The following SHANK1 variants were observed in gnomAD, a reference collection of about 807,000 sequenced individuals.
The protein encoded by SHANK1 is SH3 and multiple ankyrin repeat domains 1, also known as SH3 and multiple ankyrin repeat domains protein 1.
In SHANK1, 35 loss-of-function variants were observed where a neutral mutation model predicts 165.6. The ratio of observed to expected loss-of-function variants is 0.21; its 90% CI spans 0.16 to 0.28. SHANK1 has a LOEUF of 0.28. Ranked by LOEUF, SHANK1 falls within the 10% of genes least tolerant of loss-of-function variation. SHANK1 has a pLI of 1.00. For missense variants in SHANK1, 2,681 were observed against 3,036.4 expected (o/e 0.88, Z 2.75); for synonymous variants, 1,428 against 1,384.8 (o/e 1.03, Z -0.69).
chr19:50,683,588 T>C (rs1276931323), intron 21 of SHANK1, among the ~76,000 whole-genome samples: 3 of 152,084 alleles, frequency 2.0e-5, no homozygotes, highest in African/African-American at 7.2e-5. Flanking sequence ...GCACCATGCT[T>C]GGGGGACCTT....
chr19:50,673,861 A>G (rs932444743), intron 21 of SHANK1, among the ~76,000 whole-genome samples: 2 of 150,596 alleles, frequency 1.3e-5, no homozygotes, highest in South Asian at 2.1e-4. Flanking sequence ...TGGCGTTAAC[A>G]CGGCTCACTG....
rs754025199 is a variant in SHANK1, at chr19:50,716,988, G to A, written c.-43-26C>T. Reference sequence around the variant, plus strand: ...CTGCAGGGGCCAAGGGCGGCCATCAGACTAGGAGCCCGGGACCCCTCAGAG... The same window carrying A: ...CTGCAGGGGCCAAGGGCGGCCATCAAACTAGGAGCCCGGGACCCCTCAGAG... On this transcript the variant is annotated intron_variant, in intron 1 of 23. Coordinates refer to ENST00000293441, the MANE Select transcript of SHANK1 (RefSeq NM_016148.5). The surrounding 1 kb of genome is among the most constrained non-coding windows in gnomAD (Gnocchi z 8.4). 1.8e-5 allele frequency: 25 copies of A among 1,388,612 alleles called. No homozygotes were observed. In the African/African-American group the frequency reaches 3.2e-4, roughly 18 times the overall value. The allele number at this position is 1,388,612 out of a possible 1,614,324, so 86.0% of individuals were successfully genotyped here.
At position 50,704,139 on chromosome 19, in the gene SHANK1, G is replaced by A. The variant is rs770098286; in HGVS notation, c.1203C>T (p.Asn401=). The A allele has an allele frequency of 2.5e-6, 4 of 1,612,940 alleles. No individual in the cohort carries two copies. The highest frequency in any genetic ancestry group is 3.4e-6 in the Non-Finnish European group (4 of 1,179,486). ...GNFELGELIR[N]HREQDVVPFQ... ...ACTCACCCACATCCTGTTCTCGGTG[G>A]TTTCGGATCAGCTCCCCCAGCTCAA... Residue 401 remains asparagine (N), a synonymous_variant, in exon 10 of 24, where the codon AAC becomes AAT. Coordinates refer to ENST00000293441, the MANE Select transcript of SHANK1 (RefSeq NM_016148.5).
At chr19:50,698,693 A>G (rs899256486) in intron 12 of SHANK1, among the ~76,000 whole-genome samples, 8 of 152,200 alleles carry the variant, frequency 5.3e-5, no homozygotes, top group African/African-American at 1.7e-4. Flanking sequence ...TGATAGGAAC[A>G]CTGAGGCTTG....
intron 15 of SHANK1, among the ~76,000 whole-genome samples, chr19:50,692,897 C>T (rs1353937702): frequency 1.3e-5 from 2 of 149,532 alleles, no homozygotes; most frequent in East Asian, 2.0e-4. Context: ...CCCTACCCCC[C>T]TTTCCCCCTA....
Position 50,667,569 on chromosome 19 carries a change from G to T in SHANK1, c.4391C>A (p.Thr1464Lys). ...TCCGGGGTGCGGGGCCGGGGGCTCC[G>T]TCCCCAGCTGCAGCAGGAGGGGCCC... Reference protein sequence around the residue: ...GVGPLLLQLGTEPPAPHPGVS... With the variant: ...GVGPLLLQLGKEPPAPHPGVS... The change falls in exon 23 of 24, where the codon ACG (threonine) becomes AAG (lysine). Residue 1464 changes from threonine (T) to lysine (K), a missense_variant. Thr to Lys is a moderately conservative substitution (Grantham distance 78, BLOSUM62 -1). Coordinates refer to ENST00000293441, the MANE Select transcript of SHANK1 (RefSeq NM_016148.5). This position sits in a 1 kb window ranked among gnomAD's most constrained non-coding sequence, Gnocchi z 5.7. The T allele has an allele frequency of 6.9e-7, 1 of 1,448,598 alleles. No homozygotes were observed. Among genetic ancestry groups the T allele is most frequent in the Non-Finnish European group, 9.0e-7 (1 of 1,112,352 alleles). The allele number at this position is 1,448,598 out of a possible 1,614,324, so 89.7% of individuals were successfully genotyped here.
intron 21 of SHANK1, among the ~76,000 whole-genome samples, chr19:50,683,275 C>G (rs891975523): frequency 2.0e-5 from 3 of 152,212 alleles, no homozygotes; most frequent in Admixed American, 1.3e-4. Flanking sequence ...CTACAATGCA[C>G]AGGACAGGCT....
At chr19:50,671,017 C>A (rs1332902737) in intron 22 of SHANK1, among the ~76,000 whole-genome samples, 1 of 151,794 alleles carries the variant, frequency 6.6e-6, no homozygotes, top group African/African-American at 2.4e-5. Flanking sequence ...TGGTCTTGAA[C>A]TCCTGACCTT....
chr19:50,703,514 G>T lies in SHANK1; in HGVS notation c.1539C>A (p.Pro513=). 1.3e-6 allele frequency: 2 copies of T among 1,542,082 alleles called. No homozygotes were observed. The highest frequency in any genetic ancestry group is 1.7e-6 in the Non-Finnish European group (2 of 1,149,840). ...GRHPEDAKRQ[P]RGRPSSSGTP... ...GCCTCCCCTACCTGGGCCGGCCTCG[G>T]GGCTGCCTCTTGGCGTCCTCAGGGT... Residue 513 remains proline, a synonymous_variant, in exon 11 of 24, where the codon CCC becomes CCA. Transcript: ENST00000293441.
rs3087079 is a variant in SHANK1, at chr19:50,663,940, C to CT, written c.5769-1259dup. Among the ~76,000 whole-genome samples the CT allele has an allele frequency of 2.8e-3, 309 of 108,890 alleles. 6 individuals carry two copies. Among genetic ancestry groups the CT allele is most frequent in the African/African-American group, 9.0e-3 (234 of 26,140 alleles). The allele number at this position is 108,890 out of a possible 152,430, so 71.4% of individuals were successfully genotyped here. Reference sequence around the variant, plus strand: ...TTCTTTTCTTTCTCTCTCTCTCTCTCTTTTTTTTTTTTTTTTTAAGACAGG... The same window carrying CT: ...TTCTTTTCTTTCTCTCTCTCTCTCTCTTTTTTTTTTTTTTTTTTAAGACAGG... On this transcript the variant is annotated intron_variant, in intron 23 of 23. Transcript: ENST00000293441.
chr19:50,669,296 A>AC lies in SHANK1; in HGVS notation c.2675-12dup. On this transcript the variant is annotated splice_polypyrimidine_tract_variant and intron_variant, in intron 22 of 23. Coordinates refer to ENST00000293441, the MANE Select transcript of SHANK1 (RefSeq NM_016148.5). The stretch of plus-strand genomic sequence containing the variant: ...CATCTTCTGCCGCACCTGGGGAGAT[A>AC]CAGAGGCTCAAGGAGGGGGACCCTG... The AC allele has an allele frequency of 3.8e-6, 6 of 1,597,086 alleles. No individual in the cohort carries two copies. The highest frequency in any genetic ancestry group is 5.1e-6 in the Non-Finnish European group (6 of 1,169,580).
intron 9 of SHANK1, 100 bp from the exon 10 acceptor site, chr19:50,704,286 C>G (rs759586046): frequency 7.3e-7 from 1 of 1,364,266 alleles, no homozygotes; most frequent in Non-Finnish European, 1.0e-6. Context: ...AAACCTTCCA[C>G]TCCGACAATG....
In SHANK1 at chr19:50,697,254, A is replaced by C. The variant is rs973046074; in HGVS notation, c.1938-132T>G. On this transcript the variant is annotated intron_variant, in intron 14 of 23. Coordinates refer to ENST00000293441, the MANE Select transcript of SHANK1 (RefSeq NM_016148.5). This position sits in a 1 kb window ranked among gnomAD's most constrained non-coding sequence, Gnocchi z 4.7. ...CATGGGACACACACATTCCCACTGC[A>C]CATGACTGCACAGAGATGGGGCACA... 2 of 1,317,484 alleles carry C rather than the reference A, an allele frequency of 1.5e-6. No individual in the cohort carries two copies. The highest frequency in any genetic ancestry group is 2.9e-5 in the African/African-American group (2 of 69,072). 81.6% of individuals were successfully genotyped at this position (1,317,484 alleles called of 1,614,324 possible).
intron 15 of SHANK1, among the ~76,000 whole-genome samples, chr19:50,689,889 G>A (rs10406993): frequency 0.71 from 107,547 of 152,108 alleles, 38,599 homozygotes; most frequent in African/African-American, 0.79. Flanking sequence ...TCACCTCCCA[G>A]GAACCCCACA....
In SHANK1 at chr19:50,719,475, C is replaced by T. The variant is rs1434970213; in HGVS notation, c.-113G>A. ...CCCTCCCCCCTCCCCCCACCCCCCA[C>T]CCCCCCGGAGACGGGGACCCTCAGG... is the stretch of plus-strand genomic sequence containing the variant. On this transcript the variant is annotated 5_prime_UTR_variant, in exon 1 of 24. The change creates a new upstream start codon in the 5' untranslated region. Coordinates refer to ENST00000293441, the MANE Select transcript of SHANK1 (RefSeq NM_016148.5). The T allele has an allele frequency of 2.0e-3, 6 of 3,050 alleles. No individual in the cohort carries two copies. The highest frequency in any genetic ancestry group is 4.9e-3 in the Admixed American group (2 of 412). 0.2% of individuals were successfully genotyped at this position (3,050 alleles called of 1,614,324 possible).
At chr19:50,685,478 C>T (rs1599853038) in intron 21 of SHANK1, among the ~76,000 whole-genome samples, 2 of 152,302 alleles carry the variant, frequency 1.3e-5, no homozygotes, top group African/African-American at 4.8e-5. Context: ...AATCCCGGCA[C>T]TTTGGAGGGC....
intron 21 of SHANK1, among the ~76,000 whole-genome samples, chr19:50,684,965 A>T (rs1478172714): frequency 6.6e-6 from 1 of 152,218 alleles, no homozygotes; most frequent in East Asian, 1.9e-4. Context: ...ATGCATTTAT[A>T]AGCATTATTC....
intron 15 of SHANK1, among the ~76,000 whole-genome samples, chr19:50,692,385 G>A (rs1219859141): frequency 6.6e-6 from 1 of 151,032 alleles, no homozygotes; most frequent in Non-Finnish European, 1.5e-5. Context: ...GGGAAACCGA[G>A]GCACAGAGAA....
At position 50,667,637 on chromosome 19, in the gene SHANK1, C is replaced by G; in HGVS notation, c.4323G>C (p.Arg1441=). The G allele has an allele frequency of 7.1e-7, 1 of 1,417,268 alleles. No individual in the cohort carries two copies. The highest frequency in any genetic ancestry group is 9.1e-7 in the Non-Finnish European group (1 of 1,095,336). The allele number at this position is 1,417,268 out of a possible 1,614,324, so 87.8% of individuals were successfully genotyped here. ...GCGGCAGGCGGTGTAGCAGGGAACG[C>G]CGGGCGGCGGGCGGGCTGGCGGGAA... The part of the protein sequence containing the change: ...KSLPASPPAA[R]RSLLHRLPPT... The change falls in exon 23 of 24, where the codon CGG becomes CGC. Residue 1441 remains arginine, a synonymous_variant. Transcript: ENST00000293441. The surrounding 1 kb of genome is among the most constrained non-coding windows in gnomAD (Gnocchi z 5.7).
Sources: gnomAD v4.1 joint callset for allele counts (sites outside exome capture counted in the v4.1 genomes callset) on GRCh38, gnomAD v4.1.1 for gene constraint, Gnocchi (gnomAD v3.1) non-coding constraint, MANE v1.5 for transcripts, NCBI Gene and HGNC (gene_info 2026-07-23, HGNC 2026-07-21) for gene names.